The following TSPAN18 variants were observed in gnomAD, a reference collection of about 807,000 sequenced individuals.
TSPAN18 encodes the protein tetraspanin-18.
Under a neutral mutation model 27.3 loss-of-function variants are expected in TSPAN18, and 14 were observed. The observed-to-expected ratio is 0.51, with a 90% CI of 0.34 to 0.80. TSPAN18 has a LOEUF of 0.80. Among genes scored for constraint, TSPAN18 ranks in the 30% least tolerant of loss-of-function variants. The pLI, the probability that TSPAN18 is intolerant of heterozygous loss-of-function variation, is 0.01. For missense variants in TSPAN18, 268 were observed against 323.9 expected, an observed-to-expected ratio of 0.83 and a Z score of 1.32; for synonymous variants, 143 against 136.5, an observed-to-expected ratio of 1.05 and a Z score of -0.33.
intron 2 of TSPAN18, among the ~76,000 whole-genome samples, chr11:44,847,883 G>A (rs950806582): frequency 6.6e-6 from 1 of 152,018 alleles, no homozygotes; most frequent in African/African-American, 2.4e-5. Context: ...GCCCAGGCTG[G>A]AGTGCAATGG....
chr11:44,861,250 G>T (rs1387832487), intron 3 of TSPAN18, among the ~76,000 whole-genome samples: 1 of 151,954 alleles, frequency 6.6e-6, no homozygotes, highest in Non-Finnish European at 1.5e-5. Flanking sequence ...TTCCCAGGCG[G>T]TCCAACAAAA....
At chr11:44,797,667 T>A (rs574342136) in intron 2 of TSPAN18, among the ~76,000 whole-genome samples, 1 of 152,310 alleles carries the variant, frequency 6.6e-6, no homozygotes, top group South Asian at 2.1e-4. Flanking sequence ...CATTTTGTTA[T>A]CCTTGTGTCT....
chr11:44,773,715 G>A (rs1855741808), intron 2 of TSPAN18, among the ~76,000 whole-genome samples: 1 of 152,068 alleles, frequency 6.6e-6, no homozygotes, highest in African/African-American at 2.4e-5. Context: ...TGGTCAGAAG[G>A]TTGGGGAGAC....
chr11:44,819,149 C>T (rs1451193471), intron 2 of TSPAN18, among the ~76,000 whole-genome samples: 1 of 152,204 alleles, frequency 6.6e-6, no homozygotes, highest in African/African-American at 2.4e-5. Context: ...TCTGTCAAGG[C>T]TGCCTTCAGG....
At chr11:44,741,447 A>ATATG (rs59390988) in intron 1 of TSPAN18, among the ~76,000 whole-genome samples, 2 of 147,384 alleles carry the variant, frequency 1.4e-5, no homozygotes, top group South Asian at 4.3e-4. Flanking sequence ...TCAGACATGT[A>ATATG]TGTGTGTGTG....
intron 3 of TSPAN18, among the ~76,000 whole-genome samples, chr11:44,884,311 A>G (rs992590824): frequency 2.0e-5 from 3 of 152,206 alleles, no homozygotes; most frequent in African/African-American, 7.2e-5. Flanking sequence ...GAAGCTGCCC[A>G]AACAGATCTC....
chr11:44,917,857 T>C, intron 5 of TSPAN18, 115 bp from the exon 6 acceptor site: 1 of 935,964 alleles, frequency 1.1e-6, no homozygotes, highest in East Asian at 2.4e-5. Context: ...TGCCTTAATC[T>C]TACAAAATGA....
intron 8 of TSPAN18, among the ~76,000 whole-genome samples, chr11:44,923,873 G>A (rs772939289): frequency 1.3e-5 from 2 of 152,156 alleles, no homozygotes; most frequent in Non-Finnish European, 2.9e-5. Context: ...CTTCCATTGG[G>A]CAACCTGGGC....
At chr11:44,819,406 T>C (rs1856881207) in intron 2 of TSPAN18, among the ~76,000 whole-genome samples, 1 of 152,132 alleles carries the variant, frequency 6.6e-6, no homozygotes, top group Non-Finnish European at 1.5e-5. Context: ...ACTTGCTCTG[T>C]GTGTATGTTG....
At chr11:44,863,599 A>C (rs972774766) in intron 3 of TSPAN18, among the ~76,000 whole-genome samples, 1 of 152,188 alleles carries the variant, frequency 6.6e-6, no homozygotes, top group African/African-American at 2.4e-5. Flanking sequence ...CAGCTGCCCT[A>C]GTGGCATACC....
chr11:44,804,941 T>G (rs188679141), intron 2 of TSPAN18, among the ~76,000 whole-genome samples: 12 of 152,138 alleles, frequency 7.9e-5, no homozygotes, highest in African/African-American at 2.9e-4. Flanking sequence ...CCCAGCCACC[T>G]GGGGAGGGCT....
At chr11:44,893,258 C>T (rs971486450) in intron 3 of TSPAN18, among the ~76,000 whole-genome samples, 4 of 152,232 alleles carry the variant, frequency 2.6e-5, no homozygotes, top group African/African-American at 9.6e-5. Context: ...GCCACCTTGA[C>T]ATTCACAGCT....
At chr11:44,819,542 C>A (rs1208791793) in intron 2 of TSPAN18, among the ~76,000 whole-genome samples, 1 of 152,150 alleles carries the variant, frequency 6.6e-6, no homozygotes, top group Non-Finnish European at 1.5e-5. Context: ...ACACTGGCAG[C>A]CTCGTTGAAG....
intron 2 of TSPAN18, among the ~76,000 whole-genome samples, chr11:44,801,202 G>T (rs77429468): frequency 1.3e-5 from 2 of 152,188 alleles, no homozygotes; most frequent in African/African-American, 4.8e-5. Flanking sequence ...GTTCATTATA[G>T]TATTCTCTCT....
At chr11:44,770,557 C>G (rs1019656247) in intron 2 of TSPAN18, among the ~76,000 whole-genome samples, 1 of 152,092 alleles carries the variant, frequency 6.6e-6, no homozygotes. Context: ...CACAGTGCTG[C>G]TAGCTAGGGT....
chr11:44,884,930 C>G (rs1252302113), intron 3 of TSPAN18, among the ~76,000 whole-genome samples: 1 of 152,212 alleles, frequency 6.6e-6, no homozygotes, highest in East Asian at 1.9e-4. Flanking sequence ...CTCAATAGTT[C>G]TTAAAGTCAG....
At chr11:44,758,916 C>G (rs1179922401) in intron 1 of TSPAN18, among the ~76,000 whole-genome samples, 6 of 152,166 alleles carry the variant, frequency 3.9e-5, no homozygotes, top group African/African-American at 1.4e-4. Context: ...TTTCCTACCC[C>G]TGTTGAAGAT....
chr11:44,910,281 AC>A (rs1564996006), intron 5 of TSPAN18, among the ~76,000 whole-genome samples: 1 of 152,254 alleles, frequency 6.6e-6, no homozygotes, highest in East Asian at 1.9e-4. Context: ...TCAATCCAGG[AC>A]CCTTGGCTTA....
chr11:44,917,354 C>CT (rs1859950254), intron 5 of TSPAN18, among the ~76,000 whole-genome samples: 1 of 152,234 alleles, frequency 6.6e-6, no homozygotes, highest in Non-Finnish European at 1.5e-5. Context: ...ATTCAGGGAA[C>CT]ATCAAATTCA....
Sources: allele counts gnomAD v4.1 joint callset (sites outside exome capture counted in the v4.1 genomes callset), GRCh38; gene constraint gnomAD v4.1.1; transcripts MANE v1.5; gene names NCBI Gene and HGNC (gene_info 2026-07-23, HGNC 2026-07-21).